The following STK3 variants were observed in gnomAD, a reference collection of about 807,000 sequenced individuals.
STK3 encodes the protein serine/threonine-protein kinase 3.
STK3 carries 41 observed loss-of-function variants against 58.0 expected under a neutral mutation model. The ratio of observed to expected loss-of-function variants is 0.71; its 90% CI spans 0.55 to 0.92. STK3 has a LOEUF of 0.92. Among genes scored for constraint, STK3 ranks in the 40% least tolerant of loss-of-function variants. The probability of loss-of-function intolerance (pLI) is 0.00; values close to 1 mark genes in which losing one functional copy is unlikely to be tolerated. For synonymous variants in STK3, 170 were observed against 191.0 expected, an observed-to-expected ratio of 0.89 and a Z score of 0.91; for missense variants, 479 against 602.7, an observed-to-expected ratio of 0.79 and a Z score of 2.15.
At chr8:98,477,902 C>A (rs1405388985) in intron 10 of STK3, among the ~76,000 whole-genome samples, 1 of 151,960 alleles carries the variant, frequency 6.6e-6, no homozygotes, top group Non-Finnish European at 1.5e-5. Context: ...GCATCCCCAG[C>A]GTCTATTCAC....
upstream of STK3, among the ~76,000 whole-genome samples, chr8:98,830,181 T>C (rs1835472859): frequency 6.6e-6 from 1 of 151,678 alleles, no homozygotes; most frequent in Non-Finnish European, 1.5e-5. Context: ...TGAGCCAAGA[T>C]TGCGCCACTG....
chr8:98,649,834 A>T (rs1304213600), intron 6 of STK3, among the ~76,000 whole-genome samples: 1 of 152,192 alleles, frequency 6.6e-6, no homozygotes, highest in African/African-American at 2.4e-5. Context: ...ACACAATATT[A>T]TAAGAATTGG....
chr8:98,504,290 T>C (rs1212178200), intron 10 of STK3, among the ~76,000 whole-genome samples: 5 of 152,218 alleles, frequency 3.3e-5, no homozygotes, highest in Non-Finnish European at 7.3e-5. Context: ...TGTCTCTGCA[T>C]GTGAGATGGG....
chr8:98,748,020 T>A (rs1334806158), intron 4 of STK3, among the ~76,000 whole-genome samples: 1 of 152,208 alleles, frequency 6.6e-6, no homozygotes, highest in Non-Finnish European at 1.5e-5. Context: ...TTGTAATTAT[T>A]GGCAACAAGC....
At chr8:98,714,568 C>A (rs1186818904) in intron 4 of STK3, among the ~76,000 whole-genome samples, 1 of 152,192 alleles carries the variant, frequency 6.6e-6, no homozygotes, top group Non-Finnish European at 1.5e-5. Flanking sequence ...AGGAATCCAA[C>A]TTACAAGGGA....
intron 8 of STK3, among the ~76,000 whole-genome samples, chr8:98,557,011 G>A (rs1175603758): frequency 6.6e-6 from 1 of 152,030 alleles, no homozygotes; most frequent in Non-Finnish European, 1.5e-5. Flanking sequence ...ATCAAAAAAT[G>A]ACTTACTATA....
intron 3 of STK3, among the ~76,000 whole-genome samples, chr8:98,839,018 G>A (rs1467559233): frequency 6.7e-6 from 1 of 149,308 alleles, no homozygotes; most frequent in African/African-American, 2.5e-5. Context: ...GTGTGTGTGT[G>A]CGCTTGTGGC....
downstream of STK3, among the ~76,000 whole-genome samples, chr8:98,369,029 T>C (rs1451885842): frequency 1.3e-5 from 2 of 152,230 alleles, no homozygotes; most frequent in African/African-American, 4.8e-5. Flanking sequence ...CTGCAACCCT[T>C]CTCCAGTGGA....
intron 1 of STK3, among the ~76,000 whole-genome samples, chr8:98,911,751 G>A (rs187236966): frequency 7.6e-4 from 116 of 152,124 alleles, no homozygotes; most frequent in African/African-American, 2.4e-3. Context: ...TTGAATGGGG[G>A]CCTTATAATA....
At chr8:98,702,033 T>A (rs1276571023) in intron 6 of STK3, among the ~76,000 whole-genome samples, 1 of 152,206 alleles carries the variant, frequency 6.6e-6, no homozygotes, top group Admixed American at 6.5e-5. Context: ...CATTTCCCTT[T>A]ACTAAACAGA....
intron 7 of STK3, chr8:98,594,771 G>A (rs953305862): frequency 6.6e-6 from 1 of 152,052 alleles, no homozygotes; most frequent in Non-Finnish European, 1.5e-5. Context: ...GGTAGTATTT[G>A]CACATAACCC....
chr8:98,610,877 T>C (rs192234167), intron 6 of STK3, among the ~76,000 whole-genome samples: 69 of 152,366 alleles, frequency 4.5e-4, no homozygotes, highest in Non-Finnish European at 2.9e-4. Flanking sequence ...TAAAATATTA[T>C]GTCACTTTAC....
At chr8:98,776,125 T>TC (rs1831660717) in intron 1 of STK3, among the ~76,000 whole-genome samples, 1 of 152,148 alleles carries the variant, frequency 6.6e-6, no homozygotes, top group African/African-American at 2.4e-5. Context: ...TAGTGTTAGT[T>TC]CCCCAGAAAG....
chr8:98,825,047 C>T (rs1325796440), intron 1 of STK3, among the ~76,000 whole-genome samples: 1 of 152,174 alleles, frequency 6.6e-6, no homozygotes, highest in Non-Finnish European at 1.5e-5. Flanking sequence ...ACAGTAAATA[C>T]CATACCAAAG....
chr8:98,416,839 T>C (rs1283415001), intron 3 of STK3, among the ~76,000 whole-genome samples: 1 of 152,196 alleles, frequency 6.6e-6, no homozygotes, highest in African/African-American at 2.4e-5. Flanking sequence ...GTGGGGAACA[T>C]CTTGTGTCTT....
chr8:98,546,389 T>C (rs1255035889), intron 9 of STK3, among the ~76,000 whole-genome samples: 1 of 152,080 alleles, frequency 6.6e-6, no homozygotes, highest in African/African-American at 2.4e-5. Context: ...TTCTTAACTA[T>C]TATATATATG....
At chr8:98,929,908 G>A (rs1700115656) in intron 1 of STK3, among the ~76,000 whole-genome samples, 1 of 152,184 alleles carries the variant, frequency 6.6e-6, no homozygotes, top group South Asian at 2.1e-4. Context: ...TAGGGGTGAG[G>A]AAGACTGGAT....
At chr8:98,598,205 T>C (rs970811182) in intron 6 of STK3, 2 of 985,294 alleles carry the variant, frequency 2.0e-6, no homozygotes, top group African/African-American at 1.7e-5. Context: ...TTGAAGCCAA[T>C]GCTCTCCTTT....
intron 10 of STK3, among the ~76,000 whole-genome samples, chr8:98,459,799 G>A (rs1040312197): frequency 1.2e-4 from 18 of 152,224 alleles, no homozygotes; most frequent in African/African-American, 3.6e-4. Context: ...TTGGGCCTGC[G>A]AGTGCACAGA....
Sources: gnomAD v4.1 joint callset for allele counts (sites outside exome capture counted in the v4.1 genomes callset) on GRCh38, gnomAD v4.1.1 for gene constraint, MANE v1.5 for transcripts, NCBI Gene and HGNC (gene_info 2026-07-23, HGNC 2026-07-21) for gene names.